The following AHCYL2 variants were observed in gnomAD, a reference collection of about 807,000 sequenced individuals.
The protein encoded by AHCYL2 is adenosylhomocysteinase like 2.
Under a neutral mutation model 81.4 loss-of-function variants are expected in AHCYL2, and 28 were observed. The observed-to-expected ratio is 0.34, with a 90% CI of 0.25 to 0.47. AHCYL2 has a LOEUF of 0.47. Ranked by LOEUF, AHCYL2 falls within the 20% of genes least tolerant of loss-of-function variation. The pLI is 1.00. For missense variants in AHCYL2, 551 were observed against 785.1 expected (o/e 0.70, Z 3.56); for synonymous variants, 272 against 290.2 (o/e 0.94, Z 0.64).
chr7:129,294,622 T>C (rs571183003), intron 1 of AHCYL2, among the ~76,000 whole-genome samples: 1 of 152,358 alleles, frequency 6.6e-6, no homozygotes, highest in East Asian at 1.9e-4. Context: ...CTCTTTCTAC[T>C]ACACCATGTT....
intron 1 of AHCYL2, among the ~76,000 whole-genome samples, chr7:129,337,429 C>G (rs1032823981): frequency 6.6e-6 from 1 of 151,792 alleles, no homozygotes; most frequent in Admixed American, 6.6e-5. Flanking sequence ...GAGATGGAGT[C>G]TCGCTCTTCT....
Position 129,306,890 on chromosome 7 carries a change from G to C in AHCYL2, c.364-72748G>C, listed in dbSNP as rs556062633. ...CCTCGATGGTCTTGGGTAAGATCCA[G>C]ATGAATTCTCTGGATTACCAGGCAG... is the stretch of plus-strand genomic sequence containing the variant. On this transcript the variant is annotated intron_variant, in intron 1 of 16. Coordinates refer to ENST00000325006, the MANE Select transcript of AHCYL2 (RefSeq NM_015328.4). 4.9e-4 allele frequency among the ~76,000 whole-genome samples: 74 copies of C among 152,346 alleles called. 1 individual carries two copies. In the Middle Eastern group the frequency reaches 0.01, roughly 21 times the overall value.
chr7:129,306,477 A>G (rs188295275), intron 1 of AHCYL2, among the ~76,000 whole-genome samples: 1 of 152,256 alleles, frequency 6.6e-6, no homozygotes, highest in African/African-American at 2.4e-5. Context: ...TTTATCTGAT[A>G]AGATTCTGAA....
chr7:129,254,868 A>G (rs755014209), intron 1 of AHCYL2, among the ~76,000 whole-genome samples: 3 of 152,266 alleles, frequency 2.0e-5, no homozygotes, highest in Non-Finnish European at 2.9e-5. Context: ...AAAAGTGGTG[A>G]GAATTTGAAT....
At chr7:129,352,092 T>C (rs1270377259) in intron 1 of AHCYL2, among the ~76,000 whole-genome samples, 1 of 152,134 alleles carries the variant, frequency 6.6e-6, no homozygotes, top group African/African-American at 2.4e-5. Context: ...TTCGGCTGCA[T>C]GCTGAAATAT....
intron 10 of AHCYL2, among the ~76,000 whole-genome samples, chr7:129,407,420 G>A (rs1019558900): frequency 5.9e-5 from 9 of 152,078 alleles, no homozygotes; most frequent in African/African-American, 2.2e-4. Flanking sequence ...CAGAGCTGCT[G>A]CCACATAATA....
chr7:129,417,619 C>G (rs1796920786), intron 12 of AHCYL2, among the ~76,000 whole-genome samples: 1 of 152,104 alleles, frequency 6.6e-6, no homozygotes, highest in Non-Finnish European at 1.5e-5. Context: ...TATAGCTAAG[C>G]TAAATGGTCC....
intron 1 of AHCYL2, among the ~76,000 whole-genome samples, chr7:129,327,645 T>C (rs1196286563): frequency 6.6e-6 from 1 of 152,138 alleles, no homozygotes; most frequent in East Asian, 1.9e-4. Context: ...TTTGTATTTT[T>C]TGTAGAGACG....
chr7:129,275,538 C>T (rs1796172201), intron 1 of AHCYL2, among the ~76,000 whole-genome samples: 3 of 152,230 alleles, frequency 2.0e-5, no homozygotes, highest in South Asian at 4.1e-4. Context: ...ATGGAAAAAT[C>T]TATTCCAAAA....
In AHCYL2 at chr7:129,429,832, T is replaced by C. The variant is rs553161129; in HGVS notation, c.*2787T>C. On this transcript the variant is annotated 3_prime_UTR_variant, in exon 17 of 17. Coordinates refer to ENST00000325006, the MANE Select transcript of AHCYL2 (RefSeq NM_015328.4). Reference sequence around the variant, plus strand: ...TACTCCTGCAAAGCTTTTATGCTGCTTCGCTTTTCTCTAAACAGATCTGAT... The same window carrying C: ...TACTCCTGCAAAGCTTTTATGCTGCCTCGCTTTTCTCTAAACAGATCTGAT... The C allele has an allele frequency of 6.5e-6, 1 of 152,748 alleles. No homozygotes were observed. The highest frequency in any genetic ancestry group is 6.5e-5 in the Admixed American group (1 of 15,300). The allele number at this position is 152,748 out of a possible 1,614,324, so 9.5% of individuals were successfully genotyped here. A position where few individuals can be genotyped will look rare whatever the true frequency, so the allele number is the denominator to read the frequency against.
rs1181339585 is a variant in AHCYL2 at position 129,422,878 on chromosome 7, G to A, written c.1500G>A (p.Val500=). Residue 500 remains valine (V), a synonymous_variant, in exon 13 of 17, where the codon GTG becomes GTA. Transcript: ENST00000325006. ...LRTPELTWER[V]RSQVDHVIWP... ...CACCAGAACTGACCTGGGAGCGAGTGAGATCTCAAGTTGACCATGTGATAT... is the reference window on the plus strand; with the variant it reads ...CACCAGAACTGACCTGGGAGCGAGTAAGATCTCAAGTTGACCATGTGATAT... 3.1e-6 allele frequency: 5 copies of A among 1,614,052 alleles called. No homozygotes were observed. In the South Asian group the frequency reaches 5.5e-5, roughly 18 times the overall value.
chr7:129,272,408 G>A lies in AHCYL2; in HGVS notation c.363+46969G>A, dbSNP rs182005950. 8.5e-5 allele frequency among the ~76,000 whole-genome samples: 13 copies of A among 152,306 alleles called. No individual in the cohort carries two copies. In the East Asian group the frequency reaches 1.9e-3, roughly 23 times the overall value. The stretch of plus-strand genomic sequence containing the variant: ...TATAATAAAATGGTTGTAGTTTTAT[G>A]CCACTAAGCTTTAGGGTAGTTTGTA... On this transcript the variant is annotated intron_variant, in intron 1 of 16. Transcript: ENST00000325006.
At chr7:129,410,794 A>T (rs1163719279) in intron 11 of AHCYL2, among the ~76,000 whole-genome samples, 2 of 152,212 alleles carry the variant, frequency 1.3e-5, no homozygotes, top group Non-Finnish European at 2.9e-5. Context: ...AACTACAGGA[A>T]CACTGGTTTT....
chr7:129,412,624 C>T (rs1364947680), intron 11 of AHCYL2, among the ~76,000 whole-genome samples: 1 of 152,070 alleles, frequency 6.6e-6, no homozygotes, highest in Non-Finnish European at 1.5e-5. Flanking sequence ...ATTTTACAAT[C>T]CATCAACAAT....
intron 1 of AHCYL2, among the ~76,000 whole-genome samples, chr7:129,314,027 G>A (rs1797752184): frequency 6.6e-6 from 1 of 152,176 alleles, no homozygotes; most frequent in South Asian, 2.1e-4. Flanking sequence ...CAAGTATCTG[G>A]TTAGATAAAT....
intron 3 of AHCYL2, among the ~76,000 whole-genome samples, 183 bp downstream of exon 3, chr7:129,389,382 A>T (rs1172026947): frequency 4.1e-5 from 4 of 96,818 alleles, no homozygotes; most frequent in African/African-American, 1.8e-4. Context: ...GGAACCCTGT[A>T]TTAAAAAAAA....
At chr7:129,311,589 G>A (rs1584771153) in intron 1 of AHCYL2, among the ~76,000 whole-genome samples, 1 of 138,046 alleles carries the variant, frequency 7.2e-6, no homozygotes, top group Non-Finnish European at 1.5e-5. Flanking sequence ...CACCGCGCCA[G>A]CAACTTGGGC....
At chr7:129,279,456 A>G (rs1304738567) in intron 1 of AHCYL2, among the ~76,000 whole-genome samples, 3 of 152,064 alleles carry the variant, frequency 2.0e-5, no homozygotes, top group East Asian at 1.9e-4. Flanking sequence ...CTTTTGTCCA[A>G]TGTATCGATG....
intron 1 of AHCYL2, among the ~76,000 whole-genome samples, chr7:129,283,140 C>T (rs1045919867): frequency 1.3e-5 from 2 of 152,146 alleles, no homozygotes; most frequent in East Asian, 1.9e-4. Flanking sequence ...GCATGCAGCG[C>T]GTTTTCCAGT....
Sources: allele counts gnomAD v4.1 joint callset (sites outside exome capture counted in the v4.1 genomes callset), GRCh38; gene constraint gnomAD v4.1.1; transcripts MANE v1.5; gene names NCBI Gene and HGNC (gene_info 2026-07-23, HGNC 2026-07-21).